ZMYM2: variants seen among roughly 807,000 people sequenced by gnomAD.
ZMYM2 encodes the protein zinc finger MYM-type protein 2.
A neutral mutation model predicts 162.8 loss-of-function variants in ZMYM2; 56 were observed. The observed-to-expected ratio is 0.34, with a 90% CI of 0.28 to 0.43. ZMYM2 has a LOEUF of 0.43. Ranked by LOEUF, ZMYM2 falls within the 20% of genes least tolerant of loss-of-function variation. The pLI is 1.00. For synonymous variants in ZMYM2, 510 were observed against 541.6 expected (o/e 0.94, Z 0.81); for missense variants, 1,275 against 1,621.8 (o/e 0.79, Z 3.67).
chr13:19,909,091 A>T, the ZMYM2 span, among the ~76,000 whole-genome samples: 2 of 152,160 alleles, frequency 1.3e-5, no homozygotes, highest in Non-Finnish European at 2.9e-5. Context: ...TTCGTTTTTA[A>T]TATGGAAAAC....
chr13:19,967,265 G>A (rs998692187), intron 2 of ZMYM2, among the ~76,000 whole-genome samples: 37 of 152,120 alleles, frequency 2.4e-4, no homozygotes, highest in African/African-American at 8.0e-4. Flanking sequence ...CAGTAAACTC[G>A]TGAATTTGGT....
At chr13:19,960,263 C>T (rs527976710) in intron 2 of ZMYM2, among the ~76,000 whole-genome samples, 8 of 152,284 alleles carry the variant, frequency 5.3e-5, no homozygotes, top group South Asian at 2.1e-4. Flanking sequence ...AGCAACCAGA[C>T]GACGGGCTTC....
At chr13:20,016,946 C>T (rs1951681898) in intron 6 of ZMYM2, among the ~76,000 whole-genome samples, 1 of 152,300 alleles carries the variant, frequency 6.6e-6, no homozygotes. Flanking sequence ...TCTTCTGAAA[C>T]TCTCAGAAAG....
At chr13:20,044,263 T>C (rs774963497) in intron 12 of ZMYM2, among the ~76,000 whole-genome samples, 102 of 152,310 alleles carry the variant, frequency 6.7e-4, no homozygotes, top group Non-Finnish European at 4.1e-4. Flanking sequence ...CCAACTCAAG[T>C]GTCCCTGCTG....
intron 2 of ZMYM2, among the ~76,000 whole-genome samples, chr13:19,974,006 G>T (rs1416178272): frequency 6.6e-6 from 1 of 152,140 alleles, no homozygotes; most frequent in Non-Finnish European, 1.5e-5. Context: ...GGAAAGATGT[G>T]CCAGTGTCTG....
chr13:20,022,542 T>G (rs1952210401), intron 7 of ZMYM2, among the ~76,000 whole-genome samples: 1 of 152,200 alleles, frequency 6.6e-6, no homozygotes, highest in South Asian at 2.1e-4. Flanking sequence ...TTTTAGCATC[T>G]GTTGTCAATT....
chr13:19,866,127 C>A, the ZMYM2 span, among the ~76,000 whole-genome samples: 1 of 151,582 alleles, frequency 6.6e-6, no homozygotes, highest in Admixed American at 6.6e-5. Flanking sequence ...GAGGCTGAGG[C>A]AGGAGAATCA....
At chr13:19,882,250 G>A in the ZMYM2 span, among the ~76,000 whole-genome samples, 1 of 152,034 alleles carries the variant, frequency 6.6e-6, no homozygotes, top group African/African-American at 2.4e-5. Context: ...CCTTCATAAT[G>A]GGAGAATATA....
At chr13:19,892,917 G>A in the ZMYM2 span, among the ~76,000 whole-genome samples, 1 of 151,236 alleles carries the variant, frequency 6.6e-6, no homozygotes, top group Non-Finnish European at 1.5e-5. Context: ...GTTTCACCAT[G>A]TTGGCCAGGC....
chr13:20,023,540 T>A (rs1441161058), intron 7 of ZMYM2, among the ~76,000 whole-genome samples: 1 of 152,196 alleles, frequency 6.6e-6, no homozygotes, highest in Non-Finnish European at 1.5e-5. Flanking sequence ...AATGAGCCAG[T>A]TTGTCATAAA....
At chr13:19,955,039 C>T (rs1047502412), upstream of ZMYM2, among the ~76,000 whole-genome samples, 6 of 151,842 alleles carry the variant, frequency 4.0e-5, no homozygotes, top group African/African-American at 1.5e-4. Flanking sequence ...CTCAAACTCC[C>T]GATCTCAAGT....
chr13:20,065,157 A>C (rs764783087), intron 19 of ZMYM2, among the ~76,000 whole-genome samples: 1 of 152,166 alleles, frequency 6.6e-6, no homozygotes, highest in Non-Finnish European at 1.5e-5. Flanking sequence ...CTGACTTCCA[A>C]CATAAAGCAG....
chr13:19,937,403 A>T, the ZMYM2 span, among the ~76,000 whole-genome samples: 2 of 148,922 alleles, frequency 1.3e-5, no homozygotes, highest in African/African-American at 4.9e-5. Flanking sequence ...CTCCCAAAGT[A>T]TTGGGATTAC....
At chr13:20,061,339 AAAGC>A in intron 17 of ZMYM2, 115 bp downstream of exon 17, 1 of 1,168,270 alleles carries the variant, frequency 8.6e-7, no homozygotes, top group Non-Finnish European at 1.2e-6. Flanking sequence ...GGGGGTGAGG[AAAGC>A]ATTGTAACAA....
chr13:19,955,785 C>T (rs927595342), upstream of ZMYM2, among the ~76,000 whole-genome samples: 1 of 152,102 alleles, frequency 6.6e-6, no homozygotes, highest in Non-Finnish European at 1.5e-5. Flanking sequence ...CCATGCCCAG[C>T]CACAACAACT....
intron 2 of ZMYM2, among the ~76,000 whole-genome samples, chr13:19,989,724 C>T (rs939331721): frequency 6.6e-5 from 10 of 152,202 alleles, no homozygotes; most frequent in African/African-American, 2.4e-4. Flanking sequence ...TATAGTCACC[C>T]TGTTGTGCTA....
the ZMYM2 span, among the ~76,000 whole-genome samples, chr13:19,919,720 C>T: frequency 3.7e-4 from 55 of 150,092 alleles, no homozygotes; most frequent in African/African-American, 1.3e-3. Flanking sequence ...TCTTGTTGCC[C>T]AGGCTGAAGT....
chr13:20,046,607 GTA>G (rs67024518), intron 12 of ZMYM2, among the ~76,000 whole-genome samples: 78 of 104,360 alleles, frequency 7.5e-4, no homozygotes, highest in South Asian at 6.3e-3. Flanking sequence ...GTGTGTGTGT[GTA>G]TATATATGTG....
At chr13:19,991,624 CTTTTT>C (rs11413369) in intron 2 of ZMYM2, among the ~76,000 whole-genome samples, 1 of 131,376 alleles carries the variant, frequency 7.6e-6, no homozygotes, top group African/African-American at 2.9e-5. Flanking sequence ...TTTTCTTTTT[CTTTTT>C]TTTTTTTTTT....
Sources: gnomAD v4.1 joint callset for allele counts (sites outside exome capture counted in the v4.1 genomes callset) on GRCh38, gnomAD v4.1.1 for gene constraint, MANE v1.5 for transcripts, NCBI Gene and HGNC (gene_info 2026-07-23, HGNC 2026-07-21) for gene names.